KIFAP3: variants seen among roughly 807,000 people sequenced by gnomAD.
KIFAP3 encodes the protein kinesin-associated protein 3.
A neutral mutation model predicts 106.5 loss-of-function variants in KIFAP3; 68 were observed. That is an observed-to-expected ratio of 0.64 (90% CI 0.53 to 0.78). The LOEUF (loss-of-function observed/expected upper bound fraction) is 0.78, where lower values mean the gene tolerates loss of function less well. KIFAP3 is among the 30% of genes least tolerant of loss of function. The pLI, the probability that KIFAP3 is intolerant of heterozygous loss-of-function variation, is 0.00. For missense variants in KIFAP3, 780 were observed against 941.8 expected (o/e 0.83, Z 2.25); for synonymous variants, 320 against 311.5 (o/e 1.03, Z -0.29).
At chr1:170,017,229 C>A (rs1324499104) in intron 9 of KIFAP3, among the ~76,000 whole-genome samples, 2 of 136,044 alleles carry the variant, frequency 1.5e-5, no homozygotes, top group Non-Finnish European at 3.0e-5. Flanking sequence ...TGCATTCCAG[C>A]CTGGTGGCAG....
intron 19 of KIFAP3, chr1:169,923,061 C>G: frequency 1.0e-6 from 1 of 984,052 alleles, no homozygotes; most frequent in Non-Finnish European, 1.2e-6. Context: ...ACATATAACA[C>G]ATACTGGTCC....
intron 1 of KIFAP3, 28 bp from the exon 2 acceptor site, chr1:170,055,464 C>T (rs1219199123): frequency 1.3e-6 from 2 of 1,528,588 alleles, no homozygotes; most frequent in Admixed American, 2.2e-5. Flanking sequence ...AATGATATAA[C>T]CAGATTAAAA....
At chr1:169,992,512 A>G (rs961989225) in intron 10 of KIFAP3, among the ~76,000 whole-genome samples, 7 of 152,194 alleles carry the variant, frequency 4.6e-5, no homozygotes, top group African/African-American at 1.7e-4. Flanking sequence ...AACCATAGGA[A>G]TTAATTATTT....
intron 1 of KIFAP3, among the ~76,000 whole-genome samples, chr1:170,058,209 A>G (rs1670944797): frequency 6.6e-6 from 1 of 152,202 alleles, no homozygotes; most frequent in African/African-American, 2.4e-5. Flanking sequence ...TTTCTTGAGA[A>G]ACCAAAAATG....
At chr1:170,059,449 A>T (rs888485359) in intron 1 of KIFAP3, among the ~76,000 whole-genome samples, 3 of 152,192 alleles carry the variant, frequency 2.0e-5, no homozygotes, top group Non-Finnish European at 4.4e-5. Flanking sequence ...ACACCCTCCC[A>T]AGACTAAACC....
At chr1:169,975,164 C>A (rs1230071539) in intron 16 of KIFAP3, among the ~76,000 whole-genome samples, 1 of 151,896 alleles carries the variant, frequency 6.6e-6, no homozygotes, top group Non-Finnish European at 1.5e-5. Context: ...GATGAGGAAC[C>A]CCCAAATAAG....
At chr1:170,014,645 C>G (rs1029089251) in intron 10 of KIFAP3, among the ~76,000 whole-genome samples, 1 of 151,972 alleles carries the variant, frequency 6.6e-6, no homozygotes, top group African/African-American at 2.4e-5. Context: ...GGTAGAGTAT[C>G]AACATTTTAC....
intron 8 of KIFAP3, among the ~76,000 whole-genome samples, chr1:170,030,772 A>T (rs1185219896): frequency 2.0e-5 from 3 of 151,814 alleles, no homozygotes; most frequent in African/African-American, 7.2e-5. Flanking sequence ...ATCAGTGATG[A>T]CTTGGGAATG....
chr1:170,024,557 C>A lies in KIFAP3; in HGVS notation c.881G>T (p.Arg294Leu). ...CTTGTTCCTCATTTTCAGTTCGGTA[C>A]GAGTATCCTCAGCAAGATTCAGAAG... Reference protein sequence around the residue: ...YLLLNLAEDTRTELKMRNKNI... With the variant: ...YLLLNLAEDTLTELKMRNKNI... The change falls in exon 9 of 20, where the codon CGT becomes CTT. Residue 294 changes from arginine to leucine, a missense_variant. Coordinates refer to ENST00000361580, the MANE Select transcript of KIFAP3 (RefSeq NM_014970.4). 1 of 1,592,828 alleles carries A rather than the reference C, an allele frequency of 6.3e-7. No individual in the cohort carries two copies. Among genetic ancestry groups the A allele is most frequent in the Non-Finnish European group, 8.5e-7 (1 of 1,170,442 alleles).
chr1:169,963,194 G>A (rs959825024), intron 17 of KIFAP3, among the ~76,000 whole-genome samples: 25 of 152,202 alleles, frequency 1.6e-4, no homozygotes, highest in Admixed American at 5.2e-4. Flanking sequence ...ATAAGTGAGA[G>A]CATGTGGTAT....
intron 10 of KIFAP3, among the ~76,000 whole-genome samples, chr1:170,013,190 A>G (rs1668329831): frequency 6.6e-6 from 1 of 152,110 alleles, no homozygotes; most frequent in African/African-American, 2.4e-5. Context: ...AACTGTGAGT[A>G]ATAAATTTCT....
At chr1:170,066,516 T>C (rs1671453368) in intron 1 of KIFAP3, among the ~76,000 whole-genome samples, 1 of 151,940 alleles carries the variant, frequency 6.6e-6, no homozygotes, top group African/African-American at 2.4e-5. Flanking sequence ...ATAAGAGAAC[T>C]AAAAAGGCAC....
At chr1:169,942,934 CACA>C (rs768385325) in intron 19 of KIFAP3, among the ~76,000 whole-genome samples, 3 of 115,246 alleles carry the variant, frequency 2.6e-5, no homozygotes, top group East Asian at 3.0e-4. Flanking sequence ...CTTTAAAAAA[CACA>C]ACAACAAAAA....
chr1:169,949,758 T>C (rs1362277167), intron 19 of KIFAP3, among the ~76,000 whole-genome samples: 1 of 152,086 alleles, frequency 6.6e-6, no homozygotes, highest in African/African-American at 2.4e-5. Flanking sequence ...GCTCTGGGAT[T>C]GGCAACTCCA....
intron 5 of KIFAP3, 142 bp from the exon 6 acceptor site, chr1:170,035,695 A>C (rs964626059): frequency 7.8e-6 from 4 of 509,954 alleles, no homozygotes; most frequent in Non-Finnish European, 1.4e-5. Context: ...TTTCCAATAC[A>C]GACAGCTACT....
chr1:169,970,902 T>C (rs1665890323), intron 17 of KIFAP3, among the ~76,000 whole-genome samples: 1 of 151,914 alleles, frequency 6.6e-6, no homozygotes, highest in Non-Finnish European at 1.5e-5. Flanking sequence ...TTTGGAAACT[T>C]TGGATCTAGA....
At chr1:170,043,395 G>A (rs1670083959) in intron 3 of KIFAP3, among the ~76,000 whole-genome samples, 1 of 152,128 alleles carries the variant, frequency 6.6e-6, no homozygotes, top group African/African-American at 2.4e-5. Flanking sequence ...GCCACTGTAA[G>A]GTCTCTTTAC....
In KIFAP3 at chr1:170,055,477, C is replaced by T. The variant is rs554946169; in HGVS notation, c.33-41G>A. 163 of 1,488,528 alleles carry T rather than the reference C, an allele frequency of 1.1e-4. 3 individuals are homozygous for T. In the South Asian group the frequency reaches 2.0e-3, roughly 18 times the overall value. 92.2% of individuals were successfully genotyped at this position (1,488,528 alleles called of 1,614,324 possible). A position where few individuals can be genotyped will look rare whatever the true frequency, so the allele number is the denominator to read the frequency against. On this transcript the variant is annotated intron_variant, in intron 1 of 19. Coordinates refer to ENST00000361580, the MANE Select transcript of KIFAP3 (RefSeq NM_014970.4). ...GAAATGATATAACCAGATTAAAATT[C>T]TCAAAGTGGCCATGGTTTTTATCTA...
At chr1:170,038,477 TC>T (rs746338820) in intron 4 of KIFAP3, 46 bp from the exon 5 acceptor site, 15 of 1,565,682 alleles carry the variant, frequency 9.6e-6, no homozygotes, top group Non-Finnish European at 1.1e-5. Flanking sequence ...GCTCAACAGA[TC>T]CACTGTCAAA....
Sources: gnomAD v4.1 joint callset for allele counts (sites outside exome capture counted in the v4.1 genomes callset) on GRCh38, gnomAD v4.1.1 for gene constraint, MANE v1.5 for transcripts, NCBI Gene and HGNC (gene_info 2026-07-23, HGNC 2026-07-21) for gene names.